The following CRYBG1 variants were observed in gnomAD, a reference collection of about 807,000 sequenced individuals.
CRYBG1 encodes the protein crystallin beta-gamma domain containing 1.
CRYBG1 carries 139 observed loss-of-function variants against 189.2 expected under a neutral mutation model. The observed-to-expected ratio is 0.73, with a 90% CI of 0.64 to 0.85. The LOEUF is 0.85. CRYBG1 is among the 40% of genes least tolerant of loss of function. CRYBG1 has a pLI of 0.00. For synonymous variants in CRYBG1, 1,023 were observed against 1,017.1 expected (o/e 1.01, Z -0.11); for missense variants, 2,611 against 2,675.8 (o/e 0.98, Z 0.53).
At chr6:106,547,859 A>C (rs1774301640) in intron 13 of CRYBG1, among the ~76,000 whole-genome samples, 1 of 152,162 alleles carries the variant, frequency 6.6e-6, no homozygotes, top group South Asian at 2.1e-4. Flanking sequence ...TCTTACTGGA[A>C]ATGTCGAAAG....
At chr6:106,545,331 C>T (rs551294949) in intron 13 of CRYBG1, among the ~76,000 whole-genome samples, 21 of 152,306 alleles carry the variant, frequency 1.4e-4, no homozygotes, top group Non-Finnish European at 2.4e-4. Flanking sequence ...TATATTTCTT[C>T]ACTATTAGTT....
chr6:106,512,826 A>G lies in CRYBG1; in HGVS notation c.1709A>G (p.Glu570Gly). 1 of 1,576,886 alleles carries G rather than the reference A, an allele frequency of 6.3e-7. No individual in the cohort carries two copies. The highest frequency in any genetic ancestry group is 8.6e-7 in the Non-Finnish European group (1 of 1,161,170). The change falls in exon 3 of 22, where the codon GAG becomes GGG. Residue 570 changes from glutamate (E) to glycine (G), a missense_variant. Coordinates refer to ENST00000633556, the MANE Select transcript of CRYBG1 (RefSeq NM_001371242.2). ...GAGGCGGCGCGGGCCATCCCCCGCG[A>G]GCTCCCGGTCAAGAGCAGCTCGCTG... ...GEEAARAIPR[E>G]LPVKSSSLLP...
intron 2 of CRYBG1, among the ~76,000 whole-genome samples, chr6:106,462,970 A>G (rs1235256352): frequency 6.6e-6 from 1 of 152,186 alleles, no homozygotes; most frequent in Non-Finnish European, 1.5e-5. Flanking sequence ...CCTGGGCAAT[A>G]AGCAAGACCC....
At chr6:106,563,691 A>G in intron 20 of CRYBG1, 73 bp from the exon 21 acceptor site, 1 of 1,481,594 alleles carries the variant, frequency 6.7e-7, no homozygotes, top group Non-Finnish European at 9.2e-7. Flanking sequence ...GCCCAATGTA[A>G]CCAGAGAAAT....
In CRYBG1 at chr6:106,520,882, G is replaced by C; in HGVS notation, c.3674G>C (p.Arg1225Thr). The change falls in exon 4 of 22, where the codon AGG becomes ACG. Residue 1225 changes from arginine (R) to threonine (T), a missense_variant. Arg to Thr is a moderately conservative substitution (Grantham distance 71). Transcript: ENST00000633556. ...CCGGAAATCAATGACAAAGAGAACA[G>C]GGACGTCACAAATGGTGGCATTAAG... Reference protein sequence around the residue: ...VMPEINDKENRDVTNGGIKRS... With the variant: ...VMPEINDKENTDVTNGGIKRS... The C allele has an allele frequency of 6.2e-7, 1 of 1,614,108 alleles. No homozygotes were observed. Among genetic ancestry groups the C allele is most frequent in the Non-Finnish European group, 8.5e-7 (1 of 1,180,012 alleles).
chr6:106,500,625 C>T (rs1772987865), intron 2 of CRYBG1, among the ~76,000 whole-genome samples: 1 of 152,116 alleles, frequency 6.6e-6, no homozygotes, highest in Admixed American at 6.5e-5. Context: ...TTTCTCTTTA[C>T]TCTTTTGTTT....
In CRYBG1 at chr6:106,544,889, T is replaced by C. The variant is rs745601472; in HGVS notation, c.5268T>C (p.Thr1756=). The C allele has an allele frequency of 3.1e-6, 5 of 1,613,460 alleles. No individual in the cohort carries two copies. In the Admixed American group the frequency reaches 5.0e-5, roughly 16 times the overall value. Residue 1756 remains threonine (T), a synonymous_variant, in exon 13 of 22, where the codon ACT becomes ACC. Coordinates refer to ENST00000633556, the MANE Select transcript of CRYBG1 (RefSeq NM_001371242.2). ...VLGIVANLKE[T]GYGVKTQSIN... The stretch of plus-strand genomic sequence containing the variant: ...GAATTGTTGCTAATTTAAAGGAGAC[T>C]GGATATGGAGTGAAGACACAGTCTA...
At chr6:106,368,602 G>A (rs976767412) in intron 1 of CRYBG1, among the ~76,000 whole-genome samples, 5 of 152,134 alleles carry the variant, frequency 3.3e-5, no homozygotes, top group African/African-American at 9.7e-5. Context: ...TAACCCAAAT[G>A]CCTCATCAAC....
At chr6:106,514,806 C>G (rs1773381133) in intron 3 of CRYBG1, among the ~76,000 whole-genome samples, 1 of 152,238 alleles carries the variant, frequency 6.6e-6, no homozygotes, top group Non-Finnish European at 1.5e-5. Flanking sequence ...CCAAATATGT[C>G]TTTCCCAGTT....
intron 2 of CRYBG1, among the ~76,000 whole-genome samples, chr6:106,472,802 G>A (rs973793698): frequency 4.6e-5 from 7 of 151,564 alleles, no homozygotes; most frequent in African/African-American, 1.7e-4. Context: ...TACTCGGGAA[G>A]CTGAAGTGAG....
intron 1 of CRYBG1, among the ~76,000 whole-genome samples, chr6:106,410,815 A>G (rs781205945): frequency 1.3e-4 from 20 of 152,256 alleles, no homozygotes; most frequent in Admixed American, 4.6e-4. Context: ...AACAATGAGA[A>G]CACATGGACC....
chr6:106,536,049 G>T (rs1283072402), intron 8 of CRYBG1, among the ~76,000 whole-genome samples: 1 of 856 alleles, frequency 1.2e-3, no homozygotes, highest in Admixed American at 9.4e-3. Context: ...CTCCCAAAGT[G>T]CTGGGATTAC....
At chr6:106,420,212 AGGAGCATT>A in intron 1 of CRYBG1, among the ~76,000 whole-genome samples, 1 of 152,344 alleles carries the variant, frequency 6.6e-6, no homozygotes, top group East Asian at 1.9e-4. Flanking sequence ...ATAAGCATAC[AGGAGCATT>A]GGTGACCTGT....
chr6:106,487,702 G>T (rs1431529386), intron 2 of CRYBG1, among the ~76,000 whole-genome samples: 1 of 152,010 alleles, frequency 6.6e-6, no homozygotes, highest in African/African-American at 2.4e-5. Flanking sequence ...TTCTCATACA[G>T]ATTATGAATT....
intron 16 of CRYBG1, 131 bp downstream of exon 16, chr6:106,553,698 C>T: frequency 2.9e-6 from 2 of 683,252 alleles, no homozygotes; most frequent in Non-Finnish European, 2.6e-6. Flanking sequence ...CAATGGCGTG[C>T]TTCGTGATAT....
chr6:106,462,965 G>C (rs576304999), intron 2 of CRYBG1, among the ~76,000 whole-genome samples: 1 of 152,172 alleles, frequency 6.6e-6, no homozygotes, highest in African/African-American at 2.4e-5. Flanking sequence ...ACCAGCCTGG[G>C]CAATAAGCAA....
At chr6:106,459,480 T>A (rs1452537563) in intron 2 of CRYBG1, among the ~76,000 whole-genome samples, 1 of 151,398 alleles carries the variant, frequency 6.6e-6, no homozygotes, top group Non-Finnish European at 1.5e-5. Context: ...ACTATTTTGG[T>A]ATGCCTCTCA....
chr6:106,460,749 T>C (rs775354517), intron 2 of CRYBG1, among the ~76,000 whole-genome samples: 2 of 152,188 alleles, frequency 1.3e-5, no homozygotes, highest in Non-Finnish European at 2.9e-5. Flanking sequence ...TCACTCCAGT[T>C]CTGCTCCTGC....
chr6:106,559,621 T>TA (rs1338479381), intron 18 of CRYBG1, among the ~76,000 whole-genome samples: 3 of 151,736 alleles, frequency 2.0e-5, no homozygotes, highest in Non-Finnish European at 4.4e-5. Flanking sequence ...CTGTCTCTAC[T>TA]AAAAAATACA....
Sources: allele counts gnomAD v4.1 joint callset (sites outside exome capture counted in the v4.1 genomes callset), GRCh38; gene constraint gnomAD v4.1.1; transcripts MANE v1.5; gene names NCBI Gene and HGNC (gene_info 2026-07-23, HGNC 2026-07-21).